Variants in CTIF observed in about 807,000 individuals in gnomAD.
CTIF encodes the protein CBP80/20-dependent translation initiation factor.
In CTIF, 21 loss-of-function variants were observed where a neutral mutation model predicts 66.0. The ratio of observed to expected loss-of-function variants is 0.32; its 90% CI spans 0.23 to 0.46. CTIF has a LOEUF of 0.46. Ranked by LOEUF, CTIF falls within the 20% of genes least tolerant of loss-of-function variation. The pLI is 1.00. For synonymous variants in CTIF, 345 were observed against 326.4 expected, an observed-to-expected ratio of 1.06 and a Z score of -0.62; for missense variants, 739 against 812.7, an observed-to-expected ratio of 0.91 and a Z score of 1.10.
chr18:48,658,119 C>A (rs1443831918), intron 3 of CTIF, among the ~76,000 whole-genome samples: 1 of 152,048 alleles, frequency 6.6e-6, no homozygotes, highest in Non-Finnish European at 1.5e-5. Flanking sequence ...ACAGCTGACA[C>A]ATGTATGTGT....
At chr18:48,678,420 C>T (rs960204671) in intron 6 of CTIF, among the ~76,000 whole-genome samples, 2 of 152,080 alleles carry the variant, frequency 1.3e-5, no homozygotes, top group East Asian at 3.9e-4. Flanking sequence ...CACCTCCCCA[C>T]CCCCAAGTGC....
At chr18:48,686,497 A>T (rs947102929) in intron 6 of CTIF, among the ~76,000 whole-genome samples, 1 of 152,018 alleles carries the variant, frequency 6.6e-6, no homozygotes, top group African/African-American at 2.4e-5. Context: ...AGAAGCCAAG[A>T]TCGGGACCTA....
intron 9 of CTIF, among the ~76,000 whole-genome samples, chr18:48,790,789 C>T (rs1008848461): frequency 1.3e-4 from 20 of 152,200 alleles, no homozygotes; most frequent in Non-Finnish European, 2.5e-4. Context: ...CTGCAGTCGC[C>T]ACCCTGGAAA....
intron 6 of CTIF, among the ~76,000 whole-genome samples, chr18:48,675,126 A>G (rs534482281): frequency 7.1e-6 from 1 of 140,668 alleles, no homozygotes; most frequent in African/African-American, 2.6e-5. Flanking sequence ...GGGTTCAATC[A>G]TGGTTCTCAG....
intron 6 of CTIF, among the ~76,000 whole-genome samples, chr18:48,704,875 T>C (rs2062117): frequency 0.19 from 28,237 of 152,070 alleles, 4,461 homozygotes; most frequent in African/African-American, 0.43. Flanking sequence ...GGACCCTTGG[T>C]TGGGGAAGGA....
intron 6 of CTIF, among the ~76,000 whole-genome samples, chr18:48,697,269 A>G (rs1431024312): frequency 6.6e-6 from 1 of 152,220 alleles, no homozygotes; most frequent in Non-Finnish European, 1.5e-5. Context: ...TGAAGGAAGC[A>G]TGGCTCCTGA....
chr18:48,810,752 A>G (rs1295233729), intron 9 of CTIF, among the ~76,000 whole-genome samples: 1 of 150,840 alleles, frequency 6.6e-6, no homozygotes, highest in Non-Finnish European at 1.5e-5. Context: ...AGCTTCAGGT[A>G]TATTCAAATC....
intron 1 of CTIF, among the ~76,000 whole-genome samples, chr18:48,595,024 A>G (rs2089964707): frequency 1.3e-5 from 2 of 152,230 alleles, no homozygotes; most frequent in South Asian, 2.1e-4. Context: ...GGTGCCAGGC[A>G]TTGGAAAGGT....
chr18:48,684,385 C>G (rs1174316928), intron 6 of CTIF, among the ~76,000 whole-genome samples: 1 of 152,154 alleles, frequency 6.6e-6, no homozygotes, highest in South Asian at 2.1e-4. Context: ...CAACTACATA[C>G]CTTCACTGTT....
chr18:48,567,492 G>T (rs544968565), intron 1 of CTIF: 1 of 152,332 alleles, frequency 6.6e-6, no homozygotes, highest in African/African-American at 2.4e-5. Context: ...GGTGCCCATG[G>T]AAAGATGTGT....
intron 9 of CTIF, among the ~76,000 whole-genome samples, chr18:48,772,120 G>T (rs544299450): frequency 7.9e-4 from 121 of 152,300 alleles, no homozygotes; most frequent in African/African-American, 2.8e-3. Flanking sequence ...GTTATCTGAG[G>T]TCCTCCTCTG....
chr18:48,844,398 C>T (rs2069021353), intron 10 of CTIF, among the ~76,000 whole-genome samples: 1 of 152,204 alleles, frequency 6.6e-6, no homozygotes, highest in Admixed American at 6.5e-5. Flanking sequence ...CCAATGTCTC[C>T]AGAAGAATTT....
chr18:48,846,484 T>C (rs2069075380), intron 10 of CTIF, among the ~76,000 whole-genome samples: 1 of 150,788 alleles, frequency 6.6e-6, no homozygotes, highest in South Asian at 2.1e-4. Context: ...GGTAGATAGA[T>C]GGATGAAAGG....
chr18:48,612,315 C>G (rs1296983128), intron 1 of CTIF, among the ~76,000 whole-genome samples: 1 of 152,188 alleles, frequency 6.6e-6, no homozygotes, highest in Non-Finnish European at 1.5e-5. Flanking sequence ...CCTGGCCTCT[C>G]TCCTCCCCAC....
chr18:48,804,979 TG>T (rs2068115276), intron 9 of CTIF, among the ~76,000 whole-genome samples: 1 of 152,244 alleles, frequency 6.6e-6, no homozygotes, highest in African/African-American at 2.4e-5. Flanking sequence ...GAGTTCTTTT[TG>T]TCCCAAGTCA....
At chr18:48,605,156 G>A (rs1013269548) in intron 1 of CTIF, among the ~76,000 whole-genome samples, 2 of 152,120 alleles carry the variant, frequency 1.3e-5, no homozygotes, top group Non-Finnish European at 2.9e-5. Flanking sequence ...TGGAATTGTT[G>A]GGTCATAAGG....
At chr18:48,580,277 G>C (rs2089625602) in intron 1 of CTIF, among the ~76,000 whole-genome samples, 1 of 151,600 alleles carries the variant, frequency 6.6e-6, no homozygotes, top group South Asian at 2.1e-4. Context: ...TTAGTGAGTG[G>C]GTCCCCTCAG....
At position 48,693,964 on chromosome 18, in the gene CTIF, G is replaced by A. The variant is rs190915804; in HGVS notation, c.508-17655G>A. On this transcript the variant is annotated intron_variant, in intron 6 of 11. Coordinates refer to ENST00000256413, the MANE Select transcript of CTIF (RefSeq NM_014772.3). ...TAGACTCCCTAACTGCAGTTTATGCGTTGGTGCCTATGCGGGGAATTTTTA... is the reference window on the plus strand; with the variant it reads ...TAGACTCCCTAACTGCAGTTTATGCATTGGTGCCTATGCGGGGAATTTTTA... Among the ~76,000 whole-genome samples, 203 of 152,362 alleles carry A rather than the reference G, an allele frequency of 1.3e-3. 1 individual carries two copies. The highest frequency in any genetic ancestry group is 4.7e-3 in the African/African-American group (194 of 41,594).
chr18:48,636,650 T>C lies in CTIF; in HGVS notation c.217T>C (p.Cys73Arg). ...CTGCAGCGAACCGCTGGACAGCAGC[T>C]GTTCCTTCTCCCGAGGGCGAGCCCC... ...ADCSEPLDSS[C>R]SFSRGRAPPQ... The change falls in exon 3 of 12, where the codon TGT becomes CGT. Residue 73 changes from cysteine (C) to arginine (R), a missense_variant. Transcript: ENST00000256413. 1 of 1,602,014 alleles carries C rather than the reference T, an allele frequency of 6.2e-7. No individual in the cohort carries two copies. Among genetic ancestry groups the C allele is most frequent in the Non-Finnish European group, 8.5e-7 (1 of 1,175,224 alleles).
Sources: gnomAD v4.1 joint callset for allele counts (sites outside exome capture counted in the v4.1 genomes callset) on GRCh38, gnomAD v4.1.1 for gene constraint, MANE v1.5 for transcripts, NCBI Gene and HGNC (gene_info 2026-07-23, HGNC 2026-07-21) for gene names.